Variants in SORCS1 observed in about 807,000 individuals in gnomAD.
SORCS1 encodes sortilin related VPS10 domain containing receptor 1.
A neutral mutation model predicts 146.1 loss-of-function variants in SORCS1; 60 were observed. The ratio of observed to expected loss-of-function variants is 0.41; its 90% CI spans 0.33 to 0.51. The LOEUF (loss-of-function observed/expected upper bound fraction) is 0.51. Ranked by LOEUF, SORCS1 falls within the 20% of genes least tolerant of loss-of-function variation. The pLI, the probability that SORCS1 is intolerant of heterozygous loss-of-function variation, is 0.21. For missense variants in SORCS1, 1,352 were observed against 1,487.6 expected (o/e 0.91, Z 1.50); for synonymous variants, 637 against 584.0 (o/e 1.09, Z -1.31).
chr10:106,737,708 A>C (rs3982437), intron 5 of SORCS1, among the ~76,000 whole-genome samples: 118,286 of 151,320 alleles, frequency 0.78, 47,123 homozygotes, highest in Non-Finnish European at 0.87. Flanking sequence ...ACCCACCCCC[A>C]CCAAAAAAGG....
At chr10:107,143,434 C>T (rs1027530688) in intron 1 of SORCS1, among the ~76,000 whole-genome samples, 8 of 152,054 alleles carry the variant, frequency 5.3e-5, no homozygotes, top group African/African-American at 1.9e-4. Flanking sequence ...CTCAAGCCAT[C>T]CTCCCACCTC....
chr10:107,176,076 A>G, the SORCS1 span, among the ~76,000 whole-genome samples: 1 of 152,152 alleles, frequency 6.6e-6, no homozygotes, highest in Non-Finnish European at 1.5e-5. Context: ...TTATTCCCCT[A>G]TAATCACTGC....
chr10:106,956,589 A>G lies in SORCS1; in HGVS notation c.559-9T>C. ...GTCAAAATGAGAATCACCTGAAGGC[A>G]AAAGAAGAAATCATGGTTAGTCTCA... On this transcript the variant is annotated splice_polypyrimidine_tract_variant and intron_variant, in intron 1 of 25. Coordinates refer to ENST00000263054, the MANE Select transcript of SORCS1 (RefSeq NM_052918.5). 1 of 1,613,536 alleles carries G rather than the reference A, an allele frequency of 6.2e-7. No homozygotes were observed. Among genetic ancestry groups the G allele is most frequent in the African/African-American group, 1.3e-5 (1 of 75,044 alleles).
At chr10:106,891,957 T>C (rs901141799) in intron 2 of SORCS1, among the ~76,000 whole-genome samples, 1 of 152,162 alleles carries the variant, frequency 6.6e-6, no homozygotes, top group African/African-American at 2.4e-5. Context: ...TACCACAGCG[T>C]TCTCAATTGG....
At chr10:107,079,113 C>A (rs1256875962) in intron 1 of SORCS1, among the ~76,000 whole-genome samples, 1 of 151,922 alleles carries the variant, frequency 6.6e-6, no homozygotes. Context: ...GTAGTCCCAG[C>A]TACTTGGGAG....
chr10:107,158,451 A>G (rs1456418970), intron 1 of SORCS1, among the ~76,000 whole-genome samples: 1 of 152,152 alleles, frequency 6.6e-6, no homozygotes, highest in Non-Finnish European at 1.5e-5. Context: ...ATAATCTCCA[A>G]CTGTTACTTA....
chr10:106,584,207 T>C (rs1044059959), intron 24 of SORCS1, among the ~76,000 whole-genome samples: 3 of 152,220 alleles, frequency 2.0e-5, no homozygotes, highest in African/African-American at 4.8e-5. Flanking sequence ...GAATGCAGAA[T>C]AGGCAGAAAG....
chr10:107,059,289 C>T (rs1166610814), intron 1 of SORCS1, among the ~76,000 whole-genome samples: 1 of 152,182 alleles, frequency 6.6e-6, no homozygotes, highest in South Asian at 2.1e-4. Flanking sequence ...TAAAGACACT[C>T]TTTCAGCAAC....
At chr10:107,113,689 CAAA>C (rs538551901) in intron 1 of SORCS1, among the ~76,000 whole-genome samples, 2 of 49,188 alleles carry the variant, frequency 4.1e-5, no homozygotes, top group Non-Finnish European at 8.6e-5. Context: ...GACTCCATCT[CAAA>C]AAAAAAAAAA....
At position 106,878,620 on chromosome 10, in the gene SORCS1, G is replaced by GTATA. The variant is rs3982430; in HGVS notation, c.627-48951_627-48948dup. On this transcript the variant is annotated intron_variant, in intron 2 of 25. Transcript: ENST00000263054. ...AAATTTGTTTTTTATAAACTACCTA[G>GTATA]TATATATATATATATATATATATAT... Among the ~76,000 whole-genome samples, 658 of 84,916 alleles carry GTATA rather than the reference G, an allele frequency of 7.7e-3. 31 individuals are homozygous for GTATA. Among genetic ancestry groups the GTATA allele is most frequent in the African/African-American group, 0.026 (571 of 21,786 alleles). The allele number at this position is 84,916 out of a possible 152,430, so 55.7% of individuals were successfully genotyped here. A position where few individuals can be genotyped will look rare whatever the true frequency, so the allele number is the denominator to read the frequency against.
chr10:107,140,217 A>G (rs1206221724), intron 1 of SORCS1, among the ~76,000 whole-genome samples: 1 of 152,270 alleles, frequency 6.6e-6, no homozygotes, highest in African/African-American at 2.4e-5. Context: ...TTCAGCCACC[A>G]AACTTTCCTT....
intron 1 of SORCS1, among the ~76,000 whole-genome samples, chr10:107,092,028 A>G (rs1964220483): frequency 6.6e-6 from 1 of 152,208 alleles, no homozygotes; most frequent in South Asian, 2.1e-4. Context: ...GAGATTTCCG[A>G]GAAGAGCTGC....
chr10:106,776,373 C>T (rs561485165), intron 4 of SORCS1, among the ~76,000 whole-genome samples, 161 bp downstream of exon 4: 11 of 152,308 alleles, frequency 7.2e-5, no homozygotes, highest in African/African-American at 2.6e-4. Context: ...AAACAAGCAA[C>T]CTGAGACTCT....
intron 5 of SORCS1, among the ~76,000 whole-genome samples, chr10:106,738,885 A>G (rs1857154841): frequency 6.6e-6 from 1 of 152,064 alleles, no homozygotes; most frequent in Non-Finnish European, 1.5e-5. Flanking sequence ...CCAGGGTCTC[A>G]CTATACTGCC....
At chr10:106,718,307 A>C (rs1447918360) in intron 6 of SORCS1, among the ~76,000 whole-genome samples, 1 of 152,232 alleles carries the variant, frequency 6.6e-6, no homozygotes, top group Non-Finnish European at 1.5e-5. Flanking sequence ...GAAGCACATC[A>C]CATAACTTTC....
intron 2 of SORCS1, among the ~76,000 whole-genome samples, chr10:106,909,822 C>T (rs1435263165): frequency 6.6e-6 from 1 of 152,194 alleles, no homozygotes; most frequent in Non-Finnish European, 1.5e-5. Context: ...TACACACACA[C>T]ATATGCACTG....
chr10:106,896,646 T>G, intron 2 of SORCS1, among the ~76,000 whole-genome samples: 1 of 151,782 alleles, frequency 6.6e-6, no homozygotes, highest in East Asian at 1.9e-4. Context: ...AATTTTAGGT[T>G]ATATGTTTTT....
chr10:106,938,045 G>A (rs1459295118), intron 2 of SORCS1, among the ~76,000 whole-genome samples: 1 of 151,760 alleles, frequency 6.6e-6, no homozygotes, highest in African/African-American at 2.4e-5. Context: ...TCCAGAGAGG[G>A]CATCCTTAAC....
chr10:106,634,672 T>C (rs570397050), intron 18 of SORCS1, among the ~76,000 whole-genome samples: 1 of 152,340 alleles, frequency 6.6e-6, no homozygotes, highest in East Asian at 1.9e-4. Context: ...TTTGACTCTC[T>C]TTTCCTCTCT....
Sources: gnomAD v4.1 joint callset for allele counts (sites outside exome capture counted in the v4.1 genomes callset) on GRCh38, gnomAD v4.1.1 for gene constraint, MANE v1.5 for transcripts, NCBI Gene and HGNC (gene_info 2026-07-23, HGNC 2026-07-21) for gene names.